The following B3GAT2 variants were observed in gnomAD, a reference collection of about 807,000 sequenced individuals.
B3GAT2 encodes beta-1,3-glucuronyltransferase 2.
Under a neutral mutation model 27.8 loss-of-function variants are expected in B3GAT2, and 26 were observed. The observed-to-expected ratio is 0.93, with a 90% CI of 0.68 to 1.30. The LOEUF is 1.30. Ranked by LOEUF, B3GAT2 falls within the 50% of genes most tolerant of loss-of-function variation. B3GAT2 has a pLI of 0.00. For missense variants in B3GAT2, 458 were observed against 459.0 expected (o/e 1.00, Z 0.02); for synonymous variants, 218 against 195.1 (o/e 1.12, Z -0.98).
In B3GAT2 at chr6:70,858,412, TGATGTGTTATTATCGCTA is replaced by T; in HGVS notation, c.*3233_*3250del. On this transcript the variant is annotated 3_prime_UTR_variant, in exon 4 of 4. Transcript: ENST00000230053. ...TATGAAGTTGTATCAGATAGACAAATGATGTGTTATTATCGCTATTTTAGAGTATTCTGTAAAAAAAAG... is the reference window on the plus strand; with the variant it reads ...TATGAAGTTGTATCAGATAGACAAATTTTTAGAGTATTCTGTAAAAAAAAG... 3 of 541,682 alleles carry T rather than the reference TGATGTGTTATTATCGCTA, an allele frequency of 5.5e-6. No individual in the cohort carries two copies. Among genetic ancestry groups the T allele is most frequent in the Non-Finnish European group, 6.1e-6 (2 of 325,420 alleles). The allele number at this position is 541,682 out of a possible 1,614,324, so 33.6% of individuals were successfully genotyped here.
intron 2 of B3GAT2, among the ~76,000 whole-genome samples, chr6:70,884,793 G>A (rs1406588993): frequency 6.6e-6 from 1 of 152,212 alleles, no homozygotes; most frequent in Non-Finnish European, 1.5e-5. Context: ...AGGCCCATCA[G>A]CTTAGGGCAA....
chr6:70,913,147 T>C (rs1772714886), intron 1 of B3GAT2, among the ~76,000 whole-genome samples: 1 of 152,164 alleles, frequency 6.6e-6, no homozygotes, highest in Non-Finnish European at 1.5e-5. Context: ...TTATATCATT[T>C]TCCTGTCTCA....
Position 70,956,937 on chromosome 6 carries a change from C to A in B3GAT2, c.-508G>T, listed in dbSNP as rs547903558. On this transcript the variant is annotated 5_prime_UTR_variant, in exon 1 of 4. Coordinates refer to ENST00000230053, the MANE Select transcript of B3GAT2 (RefSeq NM_080742.3). ...GGGCTTTCCTTCCTCACATTCCCGC[C>A]GGGGTGGCGAGGAGCGGGTGGAGAC... 2.6e-4 allele frequency: 260 copies of A among 1,009,770 alleles called. 2 individuals are homozygous for A. In the African/African-American group the frequency reaches 4.0e-3, roughly 15 times the overall value. The allele number at this position is 1,009,770 out of a possible 1,614,324, so 62.6% of individuals were successfully genotyped here. A position where few individuals can be genotyped will look rare whatever the true frequency, so the allele number is the denominator to read the frequency against.
chr6:70,859,687 T>TCTTATGCTTTATTGCATACAATG lies in B3GAT2; in HGVS notation c.*1953_*1975dup, dbSNP rs1771617783. ...CAGTCTTGAAGAAAAATACATGTAA[T>TCTTATGCTTTATTGCATACAATG]CTTATGCTTTATTGCATACAATGAA... On this transcript the variant is annotated 3_prime_UTR_variant, in exon 4 of 4. Coordinates refer to ENST00000230053, the MANE Select transcript of B3GAT2 (RefSeq NM_080742.3). The TCTTATGCTTTATTGCATACAATG allele has an allele frequency of 1.3e-5, 3 of 231,952 alleles. No homozygotes were observed. The South Asian group carries it at 4.3e-4, about 33-fold the overall frequency. The allele number at this position is 231,952 out of a possible 1,614,324, so 14.4% of individuals were successfully genotyped here.
intron 1 of B3GAT2, among the ~76,000 whole-genome samples, chr6:70,946,650 C>T (rs1166719520): frequency 6.6e-6 from 1 of 152,172 alleles, no homozygotes; most frequent in Non-Finnish European, 1.5e-5. Context: ...TAACACCCCA[C>T]TGTCAACATT....
intron 2 of B3GAT2, among the ~76,000 whole-genome samples, chr6:70,872,186 G>C (rs528023123): frequency 6.6e-6 from 1 of 151,940 alleles, no homozygotes; most frequent in African/African-American, 2.4e-5. Flanking sequence ...TGGGTGGAGT[G>C]TTCTATAGAT....
chr6:70,895,495 ATTTTTTT>A (rs59066944), intron 1 of B3GAT2, among the ~76,000 whole-genome samples: 6 of 76,610 alleles, frequency 7.8e-5, no homozygotes, highest in South Asian at 5.2e-4. Flanking sequence ...CAAAAAGGGG[ATTTTTTT>A]TTTTTTTTTT....
At chr6:70,881,616 T>C (rs1429482020) in intron 2 of B3GAT2, among the ~76,000 whole-genome samples, 1 of 152,092 alleles carries the variant, frequency 6.6e-6, no homozygotes, top group African/African-American at 2.4e-5. Flanking sequence ...CCCTCCATGT[T>C]AATGGGAGGA....
chr6:70,915,516 T>C (rs1426309923), intron 1 of B3GAT2, among the ~76,000 whole-genome samples: 1 of 152,218 alleles, frequency 6.6e-6, no homozygotes, highest in East Asian at 1.9e-4. Flanking sequence ...CTAGGTTTTT[T>C]TGTAGGGTTT....
At chr6:70,916,073 C>A (rs1582378006) in intron 1 of B3GAT2, among the ~76,000 whole-genome samples, 1 of 152,192 alleles carries the variant, frequency 6.6e-6, no homozygotes, top group African/African-American at 2.4e-5. Flanking sequence ...TCTTTTATTT[C>A]ATTGAGCAGT....
At chr6:70,924,530 C>A (rs910021522) in intron 1 of B3GAT2, among the ~76,000 whole-genome samples, 7 of 152,120 alleles carry the variant, frequency 4.6e-5, no homozygotes, top group African/African-American at 1.2e-4. Context: ...TTAATCAAAG[C>A]AATGTGGTAC....
intron 1 of B3GAT2, among the ~76,000 whole-genome samples, chr6:70,945,971 T>A (rs896656209): frequency 6.6e-6 from 1 of 151,782 alleles, no homozygotes; most frequent in African/African-American, 2.4e-5. Flanking sequence ...CCAGCCAAAC[T>A]AAGCTTCATA....
At chr6:70,927,984 C>T (rs1772992374) in intron 1 of B3GAT2, among the ~76,000 whole-genome samples, 1 of 152,172 alleles carries the variant, frequency 6.6e-6, no homozygotes, top group Non-Finnish European at 1.5e-5. Context: ...ACAACAAACT[C>T]TCTCAGACCA....
chr6:70,877,825 C>G (rs889887898), intron 2 of B3GAT2, among the ~76,000 whole-genome samples: 4 of 152,130 alleles, frequency 2.6e-5, no homozygotes, highest in African/African-American at 9.7e-5. Context: ...CATAAGCCAG[C>G]CATGACCTTT....
At chr6:70,943,314 G>A (rs985359572) in intron 1 of B3GAT2, among the ~76,000 whole-genome samples, 1 of 152,338 alleles carries the variant, frequency 6.6e-6, no homozygotes, top group Non-Finnish European at 1.5e-5. Flanking sequence ...GCTGCCTGCA[G>A]CAGCCAACAT....
Position 70,857,212 on chromosome 6 carries a change from A to T in B3GAT2, c.*4451T>A, listed in dbSNP as rs1771464376. The T allele has an allele frequency of 2.1e-6, 1 of 487,210 alleles. No individual in the cohort carries two copies. The highest frequency in any genetic ancestry group is 3.8e-5 in the Admixed American group (1 of 26,378). The allele number at this position is 487,210 out of a possible 1,614,324, so 30.2% of individuals were successfully genotyped here. A position where few individuals can be genotyped will look rare whatever the true frequency, so the allele number is the denominator to read the frequency against. ...AGAATTAAAAAATTAAGAGGCATGT[A>T]CAGGATTCACAGAACTTTATTTGGA... On this transcript the variant is annotated 3_prime_UTR_variant, in exon 4 of 4. Transcript: ENST00000230053.
chr6:70,907,089 T>C (rs1014370366), intron 1 of B3GAT2, among the ~76,000 whole-genome samples: 12 of 152,180 alleles, frequency 7.9e-5, no homozygotes, highest in Non-Finnish European at 1.8e-4. Flanking sequence ...CAACATCTAC[T>C]TTCTTCTCTT....
intron 2 of B3GAT2, among the ~76,000 whole-genome samples, chr6:70,866,154 T>A (rs759149616): frequency 6.6e-6 from 1 of 152,162 alleles, no homozygotes; most frequent in African/African-American, 2.4e-5. Context: ...GGTGAATCAA[T>A]TACTGGAGGG....
At chr6:70,951,774 T>C (rs541939562) in intron 1 of B3GAT2, among the ~76,000 whole-genome samples, 1 of 152,126 alleles carries the variant, frequency 6.6e-6, no homozygotes, top group Non-Finnish European at 1.5e-5. Context: ...TTCTATAAAA[T>C]TCTCACATTT....
Sources: gnomAD v4.1 joint callset for allele counts (sites outside exome capture counted in the v4.1 genomes callset) on GRCh38, gnomAD v4.1.1 for gene constraint, MANE v1.5 for transcripts, NCBI Gene and HGNC (gene_info 2026-07-23, HGNC 2026-07-21) for gene names.